Variants in CIRSR observed in about 807,000 individuals in gnomAD.
CIRSR encodes corepressor of RBPJ and splicing regulator.
the CIRSR span, among the ~76,000 whole-genome samples, chr2:174,391,010 T>C: frequency 6.6e-6 from 1 of 152,218 alleles, no homozygotes; most frequent in South Asian, 2.1e-4. Context: ...CTAATACTAA[T>C]ACAAGACTAA....
At chr2:174,348,939 T>A in the CIRSR span, 7 of 1,613,360 alleles carry the variant, frequency 4.3e-6, no homozygotes, top group Non-Finnish European at 5.1e-6. Context: ...AGAATCACTG[T>A]TGTTATGCCC....
chr2:174,378,966 A>C, the CIRSR span: 5 of 1,613,754 alleles, frequency 3.1e-6, no homozygotes, highest in Non-Finnish European at 4.2e-6. Context: ...TTCCAGAAAG[A>C]CCAAACAAAG....
At chr2:174,374,144 T>C in the CIRSR span, among the ~76,000 whole-genome samples, 1 of 152,210 alleles carries the variant, frequency 6.6e-6, no homozygotes, top group Non-Finnish European at 1.5e-5. Flanking sequence ...GGCCAGCTTT[T>C]TGAGAGCCAT....
chr2:174,376,120 C>T, the CIRSR span, among the ~76,000 whole-genome samples: 8 of 152,178 alleles, frequency 5.3e-5, no homozygotes. Flanking sequence ...CTTGGGCTTT[C>T]AACGTGCTGG....
chr2:174,354,770 A>AT, the CIRSR span, among the ~76,000 whole-genome samples: 112 of 104,400 alleles, frequency 1.1e-3, no homozygotes, highest in Middle Eastern at 4.2e-3. Context: ...ATATATATAT[A>AT]TTTTTTTTTT....
At chr2:174,362,717 CTTA>C in the CIRSR span, among the ~76,000 whole-genome samples, 1 of 72,990 alleles carries the variant, frequency 1.4e-5, no homozygotes, top group Non-Finnish European at 3.2e-5. Flanking sequence ...AAAAAAAAAT[CTTA>C]CATTTATCAG....
the CIRSR span, among the ~76,000 whole-genome samples, chr2:174,385,353 T>C: frequency 1.3e-5 from 2 of 151,240 alleles, no homozygotes; most frequent in East Asian, 3.9e-4. Context: ...TACTGAAGAA[T>C]GAAATTGGCT....
At chr2:174,351,423 A>C in the CIRSR span, among the ~76,000 whole-genome samples, 1 of 152,242 alleles carries the variant, frequency 6.6e-6, no homozygotes, top group East Asian at 1.9e-4. Context: ...TTCATTTATT[A>C]AAATACAGGT....
At chr2:174,378,721 T>A in the CIRSR span, 1 of 560,376 alleles carries the variant, frequency 1.8e-6, no homozygotes, top group East Asian at 3.2e-5. Context: ...TTAAACTTAA[T>A]CCTATTACAC....
At chr2:174,351,640 C>T in the CIRSR span, 1 of 1,613,360 alleles carries the variant, frequency 6.2e-7, no homozygotes, top group Admixed American at 1.7e-5. Context: ...CATTTGCGGT[C>T]AAGTTTCTCC....
At chr2:174,369,981 G>C in the CIRSR span, 1 of 1,365,030 alleles carries the variant, frequency 7.3e-7, no homozygotes, top group Non-Finnish European at 9.8e-7. Context: ...CTCAGCACAG[G>C]CTTACCAGAA....
chr2:174,384,705 T>C, the CIRSR span, among the ~76,000 whole-genome samples: 2 of 151,504 alleles, frequency 1.3e-5, no homozygotes, highest in Non-Finnish European at 2.9e-5. Flanking sequence ...GCATAAGCCA[T>C]TGTGCCCAGC....
the CIRSR span, among the ~76,000 whole-genome samples, chr2:174,375,602 C>T: frequency 6.6e-6 from 1 of 151,794 alleles, no homozygotes; most frequent in African/African-American, 2.4e-5. Context: ...AGGATGACAC[C>T]GTCTCAAAAA....
the CIRSR span, chr2:174,379,156 GAA>G: frequency 1.4e-6 from 1 of 703,940 alleles, no homozygotes; most frequent in Non-Finnish European, 2.4e-6. Flanking sequence ...GATCTCCAGG[GAA>G]AAAGACTCCA....
the CIRSR span, among the ~76,000 whole-genome samples, chr2:174,355,149 C>G: frequency 5.3e-5 from 8 of 152,080 alleles, 1 homozygote; most frequent in African/African-American, 1.9e-4. Context: ...TAGAGTTACA[C>G]TGACAGAAAT....
chr2:174,371,942 A>AT, the CIRSR span, among the ~76,000 whole-genome samples: 48 of 151,848 alleles, frequency 3.2e-4, no homozygotes, highest in Non-Finnish European at 5.3e-4. Context: ...TCAATAGGTG[A>AT]TTTTTTTTTA....
At chr2:174,370,066 G>C in the CIRSR span, 1 of 1,352,294 alleles carries the variant, frequency 7.4e-7, no homozygotes, top group Non-Finnish European at 9.9e-7. Flanking sequence ...GCCTGCATTA[G>C]AGTTTCAGGG....
chr2:174,367,981 A>G, the CIRSR span, among the ~76,000 whole-genome samples: 2 of 152,184 alleles, frequency 1.3e-5, no homozygotes, highest in Non-Finnish European at 2.9e-5. Context: ...GGATAAAGAG[A>G]GACATCACAT....
chr2:174,357,280 A>G, the CIRSR span, among the ~76,000 whole-genome samples: 2 of 152,170 alleles, frequency 1.3e-5, no homozygotes, highest in Non-Finnish European at 2.9e-5. Context: ...TTAAGTCTAG[A>G]GGCTTATTAT....
Sources: allele counts gnomAD v4.1 joint callset (sites outside exome capture counted in the v4.1 genomes callset), GRCh38; gene constraint gnomAD v4.1.1; transcripts MANE v1.5; gene names NCBI Gene and HGNC (gene_info 2026-07-23, HGNC 2026-07-21).